The following EYS variants were observed in gnomAD, a reference collection of about 807,000 sequenced individuals.
EYS encodes the protein EGF-like photoreceptor maintenance factor.
A neutral mutation model predicts 282.1 loss-of-function variants in EYS; 250 were observed. That is an observed-to-expected ratio of 0.89 (90% CI 0.80 to 0.98). EYS has a LOEUF of 0.98. Among genes scored for constraint, EYS ranks in the 50% least tolerant of loss-of-function variants. The probability of loss-of-function intolerance (pLI) is 0.00; values close to 1 mark genes in which losing one functional copy is unlikely to be tolerated. For synonymous variants in EYS, 1,355 were observed against 1,282.9 expected, an observed-to-expected ratio of 1.06 and a Z score of -1.20; for missense variants, 4,016 against 3,709.0, an observed-to-expected ratio of 1.08 and a Z score of -2.15.
chr6:65,580,874 C>A (rs1764842086), intron 2 of EYS, among the ~76,000 whole-genome samples: 1 of 151,972 alleles, frequency 6.6e-6, no homozygotes, highest in Non-Finnish European at 1.5e-5. Context: ...CATTTTTTAT[C>A]TCAAGGTAAG....
intron 31 of EYS, among the ~76,000 whole-genome samples, chr6:64,108,831 C>A (rs1773115176): frequency 6.6e-6 from 1 of 152,056 alleles, no homozygotes; most frequent in Non-Finnish European, 1.5e-5. Flanking sequence ...ATTACTCTAA[C>A]AATGATATTG....
rs570586663 is a variant in EYS, at chr6:64,923,349, C to T, written c.2382-10606G>A. Among the ~76,000 whole-genome samples, 23 of 152,278 alleles carry T rather than the reference C, an allele frequency of 1.5e-4. No individual in the cohort carries two copies. The East Asian group carries it at 3.5e-3, about 23-fold the overall frequency. ...CGAGAATAGCACAGGAAAGACCTGC[C>T]TCCATGATTCAATTACCTCCCCCTG... On this transcript the variant is annotated intron_variant, in intron 15 of 42. Transcript: ENST00000503581.
chr6:64,587,327 A>G (rs927502115), intron 26 of EYS, among the ~76,000 whole-genome samples: 1 of 152,030 alleles, frequency 6.6e-6, no homozygotes, highest in Non-Finnish European at 1.5e-5. Context: ...TCAGTGGTCT[A>G]CTTTGGAAGC....
Position 64,661,429 on chromosome 6 carries a change from C to T in EYS, c.3444-35184G>A, listed in dbSNP as rs190042684. Among the ~76,000 whole-genome samples, 594 of 152,264 alleles carry T rather than the reference C, an allele frequency of 3.9e-3. 3 individuals carry two copies. The highest frequency in any genetic ancestry group is 0.013 in the African/African-American group (554 of 41,548). ...AAAAGCTTCTGCACAGCAAAAGAAA[C>T]TACCATCAGAGTGAACAGGAAACCT... On this transcript the variant is annotated intron_variant, in intron 22 of 42. Coordinates refer to ENST00000503581, the MANE Select transcript of EYS (RefSeq NM_001142800.2).
intron 26 of EYS, among the ~76,000 whole-genome samples, chr6:64,448,327 T>C (rs1359971388): frequency 6.6e-6 from 1 of 152,206 alleles, no homozygotes; most frequent in Admixed American, 6.5e-5. Flanking sequence ...CAGCCATTGC[T>C]TGGGCTTGAG....
At chr6:65,360,862 C>T (rs976858535) in intron 8 of EYS, among the ~76,000 whole-genome samples, 1 of 151,874 alleles carries the variant, frequency 6.6e-6, no homozygotes, top group African/African-American at 2.4e-5. Flanking sequence ...AAGAAGTAGT[C>T]GACATAATCA....
chr6:64,571,522 T>C (rs767836070), intron 26 of EYS, among the ~76,000 whole-genome samples: 6 of 151,876 alleles, frequency 4.0e-5, no homozygotes, highest in Non-Finnish European at 7.4e-5. Flanking sequence ...AAAATAGATA[T>C]ATCACTAGCC....
intron 2 of EYS, among the ~76,000 whole-genome samples, chr6:65,580,689 T>C (rs930284211): frequency 2.0e-5 from 3 of 152,094 alleles, no homozygotes; most frequent in Non-Finnish European, 4.4e-5. Flanking sequence ...ACAGAGTCCA[T>C]TCAAAATGGC....
At chr6:65,027,052 C>T (rs970328847) in intron 13 of EYS, among the ~76,000 whole-genome samples, 2 of 149,724 alleles carry the variant, frequency 1.3e-5, no homozygotes, top group African/African-American at 4.9e-5. Context: ...AGAAGCTTGG[C>T]TACCATTTAT....
At chr6:64,994,313 C>T (rs535915848) in intron 14 of EYS, among the ~76,000 whole-genome samples, 3 of 152,172 alleles carry the variant, frequency 2.0e-5, no homozygotes, top group African/African-American at 7.2e-5. Context: ...TTGAAGTCTT[C>T]TTATTTTCTG....
chr6:64,217,362 C>T (rs1369869349), intron 31 of EYS, among the ~76,000 whole-genome samples: 1 of 152,104 alleles, frequency 6.6e-6, no homozygotes, highest in Non-Finnish European at 1.5e-5. Flanking sequence ...AACCCCATCT[C>T]TACTAAAAAT....
rs529412543 is a variant in EYS at position 64,856,106 on chromosome 6, A to G, written c.2992+30591T>C. On this transcript the variant is annotated intron_variant, in intron 19 of 42. Coordinates refer to ENST00000503581, the MANE Select transcript of EYS (RefSeq NM_001142800.2). ...ACAATTTTATGTGATACACATTTCC[A>G]ACTCATTTGGGTAAATACTAGAGAA... Among the ~76,000 whole-genome samples, 20 of 152,236 alleles carry G rather than the reference A, an allele frequency of 1.3e-4. No individual in the cohort carries two copies. In the South Asian group the frequency reaches 4.1e-3, roughly 32 times the overall value.
chr6:65,140,924 G>A (rs1483160351), intron 12 of EYS, among the ~76,000 whole-genome samples: 2 of 150,544 alleles, frequency 1.3e-5, no homozygotes, highest in Non-Finnish European at 3.0e-5. Flanking sequence ...CATTGTGGAA[G>A]TCAGTGTGGC....
At chr6:65,240,307 G>A (rs916713433) in intron 12 of EYS, among the ~76,000 whole-genome samples, 2 of 151,862 alleles carry the variant, frequency 1.3e-5, no homozygotes, top group African/African-American at 4.8e-5. Flanking sequence ...GGTTCAGGGG[G>A]TACACTTGCA....
At chr6:65,592,148 T>C (rs779388921) in intron 2 of EYS, among the ~76,000 whole-genome samples, 71 of 152,128 alleles carry the variant, frequency 4.7e-4, no homozygotes, top group Non-Finnish European at 7.9e-4. Flanking sequence ...TCTATAGCTT[T>C]CACTTTTCAT....
rs542150354 is a variant in EYS at position 64,866,271 on chromosome 6, A to G, written c.2992+20426T>C. Among the ~76,000 whole-genome samples the G allele has an allele frequency of 5.0e-4, 76 of 151,988 alleles. 1 individual carries two copies. Among genetic ancestry groups the G allele is most frequent in the African/African-American group, 1.8e-3 (73 of 41,552 alleles). Reference sequence around the variant, plus strand: ...ACTTTAAAGAAAATTGCCTCTTTCTATTTTAGGGAAATATTTAATACAGTC... The same window carrying G: ...ACTTTAAAGAAAATTGCCTCTTTCTGTTTTAGGGAAATATTTAATACAGTC... On this transcript the variant is annotated intron_variant, in intron 19 of 42. Coordinates refer to ENST00000503581, the MANE Select transcript of EYS (RefSeq NM_001142800.2).
chr6:64,412,683 G>A (rs1370890017), intron 28 of EYS: 1 of 151,964 alleles, frequency 6.6e-6, no homozygotes, highest in Non-Finnish European at 1.5e-5. Flanking sequence ...TTCTTCTGGT[G>A]GAAATTAGCA....
At chr6:63,923,840 G>A (rs1358612687) in intron 35 of EYS, among the ~76,000 whole-genome samples, 1 of 152,092 alleles carries the variant, frequency 6.6e-6, no homozygotes, top group African/African-American at 2.4e-5. Context: ...TTGGCTTTCT[G>A]TTCCTGCATT....
At chr6:64,857,694 T>G (rs546596208) in intron 19 of EYS, among the ~76,000 whole-genome samples, 15 of 152,314 alleles carry the variant, frequency 9.8e-5, no homozygotes, top group Non-Finnish European at 2.1e-4. Flanking sequence ...CCATTTTCCA[T>G]ATGGATTTAC....
Sources: gnomAD v4.1 joint callset for allele counts (sites outside exome capture counted in the v4.1 genomes callset) on GRCh38, gnomAD v4.1.1 for gene constraint, MANE v1.5 for transcripts, NCBI Gene and HGNC (gene_info 2026-07-23, HGNC 2026-07-21) for gene names.